Variants in PHF13 observed in about 807,000 individuals in gnomAD.
PHF13 encodes PHD finger protein 13.
PHF13 carries 1 observed loss-of-function variant against 25.8 expected under a neutral mutation model. The observed-to-expected ratio is 0.04, with a 90% confidence interval of 0.01 to 0.18. PHF13 has a LOEUF of 0.18. Among genes scored for constraint, PHF13 ranks in the 10% least tolerant of loss-of-function variants. PHF13 has a pLI of 1.00. For synonymous variants in PHF13, 195 were observed against 162.4 expected, an observed-to-expected ratio of 1.20 and a Z score of -1.53; for missense variants, 306 against 403.2, an observed-to-expected ratio of 0.76 and a Z score of 2.06.
At chr1:6,614,206 C>T (rs1014973381) in intron 1 of PHF13, 101 bp downstream of exon 1, 17 of 1,025,158 alleles carry the variant, frequency 1.7e-5, no homozygotes, top group South Asian at 1.4e-5. Flanking sequence ...GCCGCCCTCC[C>T]CTTCCCCCGC....
In PHF13 at chr1:6,614,037, T is replaced by C; in HGVS notation, c.-30T>C. 6.6e-7 allele frequency: 1 copy of C among 1,518,546 alleles called. No individual in the cohort carries two copies. The allele number at this position is 1,518,546 out of a possible 1,614,324, so 94.1% of individuals were successfully genotyped here. A position where few individuals can be genotyped will look rare whatever the true frequency, so the allele number is the denominator to read the frequency against. Reference sequence around the variant, plus strand: ...CTCCAGCATCCCAGCTCCTGCACTCTCGCAGCCGCCGCCGCCCCCCGCCCG... The same window carrying C: ...CTCCAGCATCCCAGCTCCTGCACTCCCGCAGCCGCCGCCGCCCCCCGCCCG... On this transcript the variant is annotated 5_prime_UTR_variant, in exon 1 of 4. Transcript: ENST00000377648.
rs920161520 is a variant in PHF13, at chr1:6,616,666, TACAA to T, written c.40-89_40-86del. On this transcript the variant is annotated intron_variant, in intron 1 of 3. Transcript: ENST00000377648. ...TAACGGTATTTTTTGAGTGATTGAC[TACAA>T]AAGTTCCAGCTTACTTCCTTTTGTT... The T allele has an allele frequency of 2.8e-5, 30 of 1,078,546 alleles. No homozygotes were observed. In the African/African-American group the frequency reaches 4.2e-4, roughly 15 times the overall value. The allele number at this position is 1,078,546 out of a possible 1,614,324, so 66.8% of individuals were successfully genotyped here.
Position 6,621,523 on chromosome 1 carries a change from C to T in PHF13, c.789C>T (p.Ile263=). The change falls in exon 4 of 4, where the codon ATC becomes ATT. Residue 263 remains isoleucine, a synonymous_variant. Coordinates refer to ENST00000377648, the MANE Select transcript of PHF13 (RefSeq NM_153812.3). This position sits in a 1 kb window ranked among gnomAD's most constrained non-coding sequence, Gnocchi z 4.8. ...GGATTCACCTGTCCTGTGCGAAAATCCGGAAATCCAATGTTCCAGAAGTGT... is the reference window on the plus strand; with the variant it reads ...GGATTCACCTGTCCTGTGCGAAAATTCGGAAATCCAATGTTCCAGAAGTGT... ...HTWIHLSCAK[I]RKSNVPEVFV... is the part of the protein sequence containing the mutation. 6.2e-7 allele frequency: 1 copy of T among 1,614,172 alleles called. No homozygotes were observed. The highest frequency in any genetic ancestry group is 1.3e-5 in the African/African-American group (1 of 75,032).
In PHF13 at chr1:6,613,769, G is replaced by C. The variant is rs1217906065; in HGVS notation, c.-298G>C. The C allele has an allele frequency of 7.3e-6, 2 of 274,286 alleles. No homozygotes were observed. The highest frequency in any genetic ancestry group is 4.7e-5 in the African/African-American group (2 of 42,496). The allele number at this position is 274,286 out of a possible 1,614,324, so 17.0% of individuals were successfully genotyped here. A position where few individuals can be genotyped will look rare whatever the true frequency, so the allele number is the denominator to read the frequency against. ...AGACACGAGCCGAACTGGGCGTCAG[G>C]TCGGGGAGCCGGTCGGGTTCCCGCT... is the stretch of plus-strand genomic sequence containing the variant. On this transcript the variant is annotated 5_prime_UTR_variant, in exon 1 of 4. Transcript: ENST00000377648.
chr1:6,621,433 G>T lies in PHF13; in HGVS notation c.699G>T (p.Val233=). 1 of 1,614,038 alleles carries T rather than the reference G, an allele frequency of 6.2e-7. No individual in the cohort carries two copies. Among genetic ancestry groups the T allele is most frequent in the Non-Finnish European group, 8.5e-7 (1 of 1,180,016 alleles). ...CAGATGACGATTCCTGGGACCTCGT[G>T]ACCTGCTTCTGCATGAAGCCATTTG... is the stretch of plus-strand genomic sequence containing the variant. ...VDSDDDSWDL[V]TCFCMKPFAG... Residue 233 remains valine (V), a synonymous_variant, in exon 4 of 4, where the codon GTG becomes GTT. Coordinates refer to ENST00000377648, the MANE Select transcript of PHF13 (RefSeq NM_153812.3). The surrounding 1 kb of genome is among the most constrained non-coding windows in gnomAD (Gnocchi z 4.8).
intron 1 of PHF13, among the ~76,000 whole-genome samples, chr1:6,614,789 A>G (rs1383532523): frequency 7.7e-6 from 1 of 129,576 alleles, no homozygotes; most frequent in Non-Finnish European, 1.7e-5. Flanking sequence ...GCCCCGGCTC[A>G]CTCCCCCTCC....
In PHF13 at chr1:6,620,267, G is replaced by T; in HGVS notation, c.606G>T (p.Arg202=). Reference sequence around the variant, plus strand: ...CTGAAGGCAAACGGACTATCGTCCGGCAGGGAAAGCAGGTGGTGTTCCGAG... The same window carrying T: ...CTGAAGGCAAACGGACTATCGTCCGTCAGGGAAAGCAGGTGGTGTTCCGAG... ...IKTEGKRTIV[R]QGKQVVFRDE... The change falls in exon 3 of 4, where the codon CGG becomes CGT. Residue 202 remains arginine (R), a synonymous_variant. Coordinates refer to ENST00000377648, the MANE Select transcript of PHF13 (RefSeq NM_153812.3). The T allele has an allele frequency of 1.9e-6, 3 of 1,613,880 alleles. No individual in the cohort carries two copies. The highest frequency in any genetic ancestry group is 2.5e-6 in the Non-Finnish European group (3 of 1,179,998).
Position 6,621,775 on chromosome 1 carries a change from A to G in PHF13, c.*138A>G, listed in dbSNP as rs776503152. 2.9e-5 allele frequency: 24 copies of G among 819,116 alleles called. No homozygotes were observed. The highest frequency in any genetic ancestry group is 4.3e-5 in the Non-Finnish European group (22 of 512,790). The allele number at this position is 819,116 out of a possible 1,614,324, so 50.7% of individuals were successfully genotyped here. A position where few individuals can be genotyped will look rare whatever the true frequency, so the allele number is the denominator to read the frequency against. ...CATTTAGGTGCCTAAGCAAAAGGAC[A>G]GGCTGTCCAAGGTAGAAACTGTACA... On this transcript the variant is annotated 3_prime_UTR_variant, in exon 4 of 4. Transcript: ENST00000377648. The surrounding 1 kb of genome is among the most constrained non-coding windows in gnomAD (Gnocchi z 4.8).
Position 6,623,128 on chromosome 1 carries a change from G to T in PHF13, c.*1491G>T, listed in dbSNP as rs1641366535. ...GGCTTCCCCTTCATGTGGCACCTTTGTGCCAGGCCACCAGGCAGACTCTTC... is the reference window on the plus strand; with the variant it reads ...GGCTTCCCCTTCATGTGGCACCTTTTTGCCAGGCCACCAGGCAGACTCTTC... On this transcript the variant is annotated 3_prime_UTR_variant, in exon 4 of 4. Transcript: ENST00000377648. 6.6e-6 allele frequency: 1 copy of T among 152,252 alleles called. No individual in the cohort carries two copies. The highest frequency in any genetic ancestry group is 2.1e-4 in the South Asian group (1 of 4,832). 9.4% of individuals were successfully genotyped at this position (152,252 alleles called of 1,614,324 possible). A position where few individuals can be genotyped will look rare whatever the true frequency, so the allele number is the denominator to read the frequency against.
chr1:6,621,388 C>G lies in PHF13; in HGVS notation c.677-23C>G. The stretch of plus-strand genomic sequence containing the variant: ...GAATGATGGGAATTTCTCTTCCCTC[C>G]TTGAGAGTATCTTTCCTTCCAGATG... On this transcript the variant is annotated intron_variant, in intron 3 of 3. Transcript: ENST00000377648. The surrounding 1 kb of genome is among the most constrained non-coding windows in gnomAD (Gnocchi z 4.8). The G allele has an allele frequency of 6.2e-7, 1 of 1,611,776 alleles. No individual in the cohort carries two copies. Among genetic ancestry groups the G allele is most frequent in the Non-Finnish European group, 8.5e-7 (1 of 1,178,078 alleles).
Position 6,621,812 on chromosome 1 carries a change from C to T in PHF13, c.*175C>T, listed in dbSNP as rs975420010. Reference sequence around the variant, plus strand: ...GTAGAAACTGTACATAGCCGGTGACCGAATGCGACCTTTGCCAGCCAGAGC... The same window carrying T: ...GTAGAAACTGTACATAGCCGGTGACTGAATGCGACCTTTGCCAGCCAGAGC... On this transcript the variant is annotated 3_prime_UTR_variant, in exon 4 of 4. Transcript: ENST00000377648. This position sits in a 1 kb window ranked among gnomAD's most constrained non-coding sequence, Gnocchi z 4.8. 5 of 669,050 alleles carry T rather than the reference C, an allele frequency of 7.5e-6. No homozygotes were observed. The highest frequency in any genetic ancestry group is 7.2e-5 in the African/African-American group (4 of 55,362). The allele number at this position is 669,050 out of a possible 1,614,324, so 41.4% of individuals were successfully genotyped here. A position where few individuals can be genotyped will look rare whatever the true frequency, so the allele number is the denominator to read the frequency against.
rs957474211 is a variant in PHF13 at position 6,620,104 on chromosome 1, A to C, written c.443A>C (p.Tyr148Ser). 10 of 1,613,428 alleles carry C rather than the reference A, an allele frequency of 6.2e-6. No individual in the cohort carries two copies. The highest frequency in any genetic ancestry group is 8.5e-6 in the Non-Finnish European group (10 of 1,180,002). The change falls in exon 3 of 4, where the codon TAC becomes TCC. Residue 148 changes from tyrosine to serine, a missense_variant. By Grantham distance (144) the Tyr-to-Ser change is moderately radical (BLOSUM62 -2). Transcript: ENST00000377648. Reference protein sequence around the residue: ...GLLKLEAADPYVETPTSPTLQ... With the variant: ...GLLKLEAADPSVETPTSPTLQ... ...CTGAAGCTGGAAGCCGCTGACCCCT[A>C]CGTGGAGACCCCCACGAGTCCCACC...
chr1:6,615,424 A>T (rs1641245758), intron 1 of PHF13, among the ~76,000 whole-genome samples: 1 of 152,008 alleles, frequency 6.6e-6, no homozygotes, highest in Non-Finnish European at 1.5e-5. Flanking sequence ...GGGGTGGGAG[A>T]GGAGAAGGTT....
intron 1 of PHF13, chr1:6,614,439 G>C (rs1641222347): frequency 6.3e-6 from 2 of 317,910 alleles, no homozygotes; most frequent in African/African-American, 4.6e-5. Flanking sequence ...CCTCCCCGCC[G>C]GCCTGCTTAC....
intron 2 of PHF13, 105 bp from the exon 3 acceptor site, chr1:6,619,698 T>G: frequency 8.5e-7 from 1 of 1,176,226 alleles, no homozygotes; most frequent in South Asian, 1.5e-5. Context: ...CTCAAAGTTG[T>G]GCAGATGTCT....
intron 2 of PHF13, 100 bp downstream of exon 2, chr1:6,616,958 T>C: frequency 1.0e-6 from 1 of 978,044 alleles, no homozygotes; most frequent in Non-Finnish European, 1.6e-6. Context: ...GGTCAGTAGG[T>C]TTGGAAGGGG....
chr1:6,617,145 C>G (rs1325738454), intron 2 of PHF13, among the ~76,000 whole-genome samples: 1 of 152,206 alleles, frequency 6.6e-6, no homozygotes, highest in Non-Finnish European at 1.5e-5. Flanking sequence ...CTCTGTCGCC[C>G]AGGCTGGAGT....
chr1:6,615,189 G>A lies in PHF13; in HGVS notation c.39+1084G>A, dbSNP rs933873226. ...GCGTGGAACCCCCAGTCCCCGCGCC[G>A]GTGCCTCCCGCGCGCCCCCGGCCCG... is the stretch of plus-strand genomic sequence containing the variant. On this transcript the variant is annotated intron_variant, in intron 1 of 3. Transcript: ENST00000377648. Among the ~76,000 whole-genome samples, 3 of 151,902 alleles carry A rather than the reference G, an allele frequency of 2.0e-5. No individual in the cohort carries two copies. The East Asian group carries it at 5.8e-4, about 30-fold the overall frequency.
chr1:6,615,682 G>C (rs1473361209), intron 1 of PHF13, among the ~76,000 whole-genome samples: 1 of 152,190 alleles, frequency 6.6e-6, no homozygotes, highest in Non-Finnish European at 1.5e-5. Flanking sequence ...CAGCAATACG[G>C]CACACTTGTT....
Sources: allele counts gnomAD v4.1 joint callset (sites outside exome capture counted in the v4.1 genomes callset), GRCh38; gene constraint gnomAD v4.1.1; non-coding constraint Gnocchi (gnomAD v3.1); transcripts MANE v1.5; gene names NCBI Gene and HGNC (gene_info 2026-07-23, HGNC 2026-07-21).